Variants in ZCCHC7 observed in about 807,000 individuals in gnomAD.
ZCCHC7 encodes zinc finger CCHC-type containing 7, also known as zinc finger CCHC domain-containing protein 7.
In ZCCHC7, 35 loss-of-function variants were observed where a neutral mutation model predicts 52.0. The observed-to-expected ratio is 0.67, with a 90% CI of 0.51 to 0.89. The LOEUF (loss-of-function observed/expected upper bound fraction) is 0.89, where lower values mean the gene tolerates loss of function less well. Among genes scored for constraint, ZCCHC7 ranks in the 40% least tolerant of loss-of-function variants. ZCCHC7 has a pLI of 0.00. For synonymous variants in ZCCHC7, 217 were observed against 221.5 expected, an observed-to-expected ratio of 0.98 and a Z score of 0.18; for missense variants, 574 against 649.1, an observed-to-expected ratio of 0.88 and a Z score of 1.26.
At chr9:37,303,328 G>A (rs1418471578) in intron 3 of ZCCHC7, among the ~76,000 whole-genome samples, 2 of 151,944 alleles carry the variant, frequency 1.3e-5, no homozygotes, top group Non-Finnish European at 2.9e-5. Context: ...GGAAGGCTGA[G>A]GCAGGAGAAT....
chr9:37,296,881 TTGTG>T (rs56378965), intron 2 of ZCCHC7, among the ~76,000 whole-genome samples: 23,042 of 123,914 alleles, frequency 0.19, 1,976 homozygotes, highest in Non-Finnish European at 0.21. Flanking sequence ...CCTGGCTAGT[TTGTG>T]TGTGTGTGTG....
intron 2 of ZCCHC7, among the ~76,000 whole-genome samples, chr9:37,254,968 A>T (rs1221622646): frequency 2.0e-5 from 3 of 150,210 alleles, no homozygotes; most frequent in African/African-American, 2.5e-5. Context: ...GCCACTGCTG[A>T]TGCCTTATAA....
intron 2 of ZCCHC7, among the ~76,000 whole-genome samples, chr9:37,178,962 T>TAA (rs1266383667): frequency 1.3e-5 from 2 of 152,248 alleles, no homozygotes; most frequent in African/African-American, 4.8e-5. Flanking sequence ...CTCTTCTTGT[T>TAA]AAAGTGTTTT....
chr9:37,221,501 G>A (rs1201456649), intron 2 of ZCCHC7, among the ~76,000 whole-genome samples: 1 of 152,208 alleles, frequency 6.6e-6, no homozygotes, highest in Non-Finnish European at 1.5e-5. Context: ...AGGATAGTAT[G>A]TAGAGACAAA....
intron 2 of ZCCHC7, among the ~76,000 whole-genome samples, chr9:37,172,594 A>T (rs569256792): frequency 2.0e-5 from 3 of 152,260 alleles, no homozygotes; most frequent in African/African-American, 7.2e-5. Flanking sequence ...AATTTGAGCA[A>T]CAGTTTTTGT....
chr9:37,173,682 A>ATG (rs1213738775), intron 2 of ZCCHC7, among the ~76,000 whole-genome samples: 1 of 152,174 alleles, frequency 6.6e-6, no homozygotes, highest in South Asian at 2.1e-4. Context: ...TTGATCTTTT[A>ATG]TGTGTTCGAT....
At chr9:37,338,591 G>A (rs938384227) in intron 6 of ZCCHC7, among the ~76,000 whole-genome samples, 1 of 152,082 alleles carries the variant, frequency 6.6e-6, no homozygotes, top group Non-Finnish European at 1.5e-5. Flanking sequence ...AATAACTAAA[G>A]CAACACACGT....
At chr9:37,162,729 A>G (rs1821174787) in intron 2 of ZCCHC7, among the ~76,000 whole-genome samples, 3 of 152,170 alleles carry the variant, frequency 2.0e-5, no homozygotes. Flanking sequence ...AATACCTCGG[A>G]GTGGAATGGC....
intron 2 of ZCCHC7, among the ~76,000 whole-genome samples, chr9:37,224,157 A>G (rs1824973253): frequency 6.6e-6 from 1 of 152,168 alleles, no homozygotes; most frequent in Admixed American, 6.5e-5. Context: ...ATAATTGATT[A>G]TACCGCTTGC....
chr9:37,246,959 C>A (rs1464123973), intron 2 of ZCCHC7, among the ~76,000 whole-genome samples: 1 of 152,146 alleles, frequency 6.6e-6, no homozygotes, highest in African/African-American at 2.4e-5. Flanking sequence ...AACCTACTCT[C>A]TTAGCAATTT....
At chr9:37,263,194 G>A (rs1415014280) in intron 2 of ZCCHC7, among the ~76,000 whole-genome samples, 2 of 151,652 alleles carry the variant, frequency 1.3e-5, no homozygotes, top group African/African-American at 4.8e-5. Flanking sequence ...TAGACTTGGG[G>A]ACCTATGGGA....
At chr9:37,189,571 A>G (rs1191406624) in intron 2 of ZCCHC7, among the ~76,000 whole-genome samples, 1 of 152,160 alleles carries the variant, frequency 6.6e-6, no homozygotes, top group African/African-American at 2.4e-5. Context: ...TATTTTTAGT[A>G]GAGACGCGGT....
chr9:37,262,185 G>A (rs772613387), intron 2 of ZCCHC7, among the ~76,000 whole-genome samples: 8 of 150,932 alleles, frequency 5.3e-5, no homozygotes, highest in Non-Finnish European at 1.0e-4. Context: ...AAAGTGTGCC[G>A]AATTTTGAAC....
At chr9:37,161,605 C>A (rs957431945) in intron 2 of ZCCHC7, among the ~76,000 whole-genome samples, 4 of 151,948 alleles carry the variant, frequency 2.6e-5, no homozygotes, top group Non-Finnish European at 5.9e-5. Flanking sequence ...TGGCACAGAT[C>A]AATTATAAAT....
chr9:37,272,689 T>C (rs1827484669), intron 2 of ZCCHC7, among the ~76,000 whole-genome samples: 1 of 152,180 alleles, frequency 6.6e-6, no homozygotes, highest in East Asian at 1.9e-4. Flanking sequence ...GTCTTCCCTC[T>C]CGTGTTCTTC....
At chr9:37,346,411 G>A (rs554632143) in intron 6 of ZCCHC7, among the ~76,000 whole-genome samples, 11 of 152,232 alleles carry the variant, frequency 7.2e-5, no homozygotes, top group African/African-American at 2.2e-4. Context: ...GCCTGGGCAC[G>A]TTGGCTGTAA....
At chr9:37,330,643 G>T (rs1450165962) in intron 6 of ZCCHC7, among the ~76,000 whole-genome samples, 1 of 151,526 alleles carries the variant, frequency 6.6e-6, no homozygotes, top group African/African-American at 2.4e-5. Flanking sequence ...GCTTTTAAAT[G>T]TTTAATAATA....
At chr9:37,173,937 T>C (rs1292094492) in intron 2 of ZCCHC7, among the ~76,000 whole-genome samples, 1 of 152,230 alleles carries the variant, frequency 6.6e-6, no homozygotes, top group Non-Finnish European at 1.5e-5. Flanking sequence ...ACTGTATTTC[T>C]TGTGAAAGCC....
intron 6 of ZCCHC7, among the ~76,000 whole-genome samples, chr9:37,331,300 T>A (rs572920911): frequency 2.6e-5 from 4 of 151,650 alleles, no homozygotes; most frequent in Admixed American, 6.6e-5. Flanking sequence ...GGCCACAGTT[T>A]GTCAGGGTAT....
Sources: allele counts gnomAD v4.1 joint callset (sites outside exome capture counted in the v4.1 genomes callset), GRCh38; gene constraint gnomAD v4.1.1; transcripts MANE v1.5; gene names NCBI Gene and HGNC (gene_info 2026-07-23, HGNC 2026-07-21).